The following LARP1B variants were observed in gnomAD, a reference collection of about 807,000 sequenced individuals.
The protein encoded by LARP1B is la-related protein 1B.
LARP1B carries 76 observed loss-of-function variants against 114.2 expected under a neutral mutation model. The observed-to-expected ratio is 0.67, with a 90% confidence interval of 0.55 to 0.81. LARP1B has a LOEUF of 0.81. LARP1B is among the 30% of genes least tolerant of loss of function. The pLI is 0.00. For missense variants in LARP1B, 1,014 were observed against 1,075.8 expected (o/e 0.94, Z 0.80); for synonymous variants, 345 against 348.0 (o/e 0.99, Z 0.10).
chr4:128,091,115 G>C lies in LARP1B; in HGVS notation c.473G>C (p.Gly158Ala). The C allele has an allele frequency of 6.2e-7, 1 of 1,613,816 alleles. No homozygotes were observed. Among genetic ancestry groups the C allele is most frequent in the Admixed American group, 1.7e-5 (1 of 59,990 alleles). ...FRGRGRGRGR[G>A]RGRGRGNPRL... Reference sequence around the variant, plus strand: ...GGTCGAGGAAGAGGCCGAGGACGGGGAAGAGGACGAGGCAGAGGAAATCCT... The same window carrying C: ...GGTCGAGGAAGAGGCCGAGGACGGGCAAGAGGACGAGGCAGAGGAAATCCT... Residue 158 changes from glycine (G) to alanine (A), a missense_variant, in exon 6 of 20, where the codon GGA (glycine) becomes GCA (alanine). Transcript: ENST00000326639.
In LARP1B at chr4:128,211,502, G is replaced by T; in HGVS notation, c.*1449G>T. ...TTTTATAATATTTACTATTTGGAGG[G>T]TCATTTTGATGCTTTAAATTGCAGA... On this transcript the variant is annotated 3_prime_UTR_variant, in exon 20 of 20. Transcript: ENST00000326639. 1 of 898,502 alleles carries T rather than the reference G, an allele frequency of 1.1e-6. No homozygotes were observed. The highest frequency in any genetic ancestry group is 1.8e-5 in the African/African-American group (1 of 55,440). 55.7% of individuals were successfully genotyped at this position (898,502 alleles called of 1,614,324 possible).
chr4:128,069,424 C>T, intron 1 of LARP1B: 1 of 760,778 alleles, frequency 1.3e-6, no homozygotes, highest in Non-Finnish European at 2.4e-6. Flanking sequence ...TTTCGGCCAC[C>T]ATGGCGAACA....
intron 8 of LARP1B, among the ~76,000 whole-genome samples, chr4:128,098,767 A>ATTTTT (rs869184167): frequency 3.4e-4 from 12 of 35,028 alleles, no homozygotes; most frequent in South Asian, 1.2e-3. Flanking sequence ...ATATATATAT[A>ATTTTT]TTTTTTTTTT....
chr4:128,160,482 G>C (rs1171964106), intron 11 of LARP1B, among the ~76,000 whole-genome samples: 1 of 151,988 alleles, frequency 6.6e-6, no homozygotes, highest in African/African-American at 2.4e-5. Context: ...GTTTACCTTC[G>C]ATTATTCATT....
intron 10 of LARP1B, among the ~76,000 whole-genome samples, chr4:128,117,680 G>C (rs570612055): frequency 2.6e-4 from 39 of 151,850 alleles, no homozygotes; most frequent in African/African-American, 8.9e-4. Context: ...CACTGCACCT[G>C]GCCTAATTTT....
intron 5 of LARP1B, among the ~76,000 whole-genome samples, chr4:128,083,154 A>T (rs1771285467): frequency 6.6e-6 from 1 of 152,214 alleles, no homozygotes; most frequent in East Asian, 1.9e-4. Flanking sequence ...GATCAACAGG[A>T]TCCCAAGGCA....
In LARP1B at chr4:128,132,741, A is replaced by G. The variant is rs548417206; in HGVS notation, c.1524+10553A>G. On this transcript the variant is annotated intron_variant, in intron 11 of 19. Coordinates refer to ENST00000326639, the MANE Select transcript of LARP1B (RefSeq NM_018078.4). ...ACCAGAGACTAATTTTATGGAAGAC[A>G]GTTTTTCTGTGGACTGGGGGGCATG... Among the ~76,000 whole-genome samples, 3 of 152,156 alleles carry G rather than the reference A, an allele frequency of 2.0e-5. No homozygotes were observed. The South Asian group carries it at 6.2e-4, about 32-fold the overall frequency.
rs191197521 is a variant in LARP1B at position 128,210,661 on chromosome 4, T to A, written c.*608T>A. 4 of 964,804 alleles carry A rather than the reference T, an allele frequency of 4.1e-6. No individual in the cohort carries two copies. The South Asian group carries it at 1.9e-4, about 46-fold the overall frequency. 59.8% of individuals were successfully genotyped at this position (964,804 alleles called of 1,614,324 possible). A position where few individuals can be genotyped will look rare whatever the true frequency, so the allele number is the denominator to read the frequency against. ...CAAAAGTAGGAATATATAGTAAGAT[T>A]GTAGTTACAATGAGTATATGCACTT... On this transcript the variant is annotated 3_prime_UTR_variant, in exon 20 of 20. Coordinates refer to ENST00000326639, the MANE Select transcript of LARP1B (RefSeq NM_018078.4).
At chr4:128,098,004 T>A (rs1251219889) in intron 7 of LARP1B, among the ~76,000 whole-genome samples, 182 bp from the exon 8 acceptor site, 1 of 152,230 alleles carries the variant, frequency 6.6e-6, no homozygotes. Flanking sequence ...AATTATTAAT[T>A]CAGTAGAGTT....
downstream of LARP1B, among the ~76,000 whole-genome samples, chr4:128,214,181 A>C (rs1263212386): frequency 7.4e-6 from 1 of 135,846 alleles, no homozygotes; most frequent in Non-Finnish European, 1.6e-5. Flanking sequence ...GATTGCTAGC[A>C]CAGCAGTCTG....
At chr4:128,143,087 C>T (rs1316411785) in intron 11 of LARP1B, among the ~76,000 whole-genome samples, 1 of 151,920 alleles carries the variant, frequency 6.6e-6, no homozygotes, top group Admixed American at 6.6e-5. Context: ...GAGATTGAGA[C>T]CATCCTGGCC....
At chr4:128,126,924 C>T (rs1001874736) in intron 11 of LARP1B, among the ~76,000 whole-genome samples, 1 of 150,096 alleles carries the variant, frequency 6.7e-6, no homozygotes, top group Non-Finnish European at 1.5e-5. Flanking sequence ...AGAATGGGGC[C>T]AAGTCATTAT....
intron 11 of LARP1B, among the ~76,000 whole-genome samples, chr4:128,125,474 G>A (rs1314881431): frequency 4.6e-5 from 7 of 152,310 alleles, no homozygotes; most frequent in East Asian, 1.9e-4. Flanking sequence ...TCTGGCTGGC[G>A]CAGTGGCTCA....
At chr4:128,120,580 C>T (rs1351931766) in intron 10 of LARP1B, among the ~76,000 whole-genome samples, 3 of 151,696 alleles carry the variant, frequency 2.0e-5, no homozygotes, top group African/African-American at 7.3e-5. Context: ...AGCGATTCTC[C>T]TGTCTCAGCC....
rs542017993 is a variant in LARP1B at position 128,105,123 on chromosome 4, C to T, written c.814-2016C>T. Among the ~76,000 whole-genome samples, 18 of 151,558 alleles carry T rather than the reference C, an allele frequency of 1.2e-4. No homozygotes were observed. The South Asian group carries it at 3.5e-3, about 30-fold the overall frequency. ...ATAGATAATACATGGTAAAATACAG[C>T]GATCTTAGATGTTCACTGTGAGTTT... On this transcript the variant is annotated intron_variant, in intron 8 of 19. Coordinates refer to ENST00000326639, the MANE Select transcript of LARP1B (RefSeq NM_018078.4).
intron 12 of LARP1B, among the ~76,000 whole-genome samples, chr4:128,176,203 T>TTA (rs1745960296): frequency 7.0e-6 from 1 of 143,636 alleles, no homozygotes; most frequent in Admixed American, 7.1e-5. Flanking sequence ...TTTTTATATA[T>TTA]TATATATTTA....
chr4:128,186,214 A>ATGTCATAGGT (rs56100089), intron 15 of LARP1B, among the ~76,000 whole-genome samples: 88,882 of 151,676 alleles, frequency 0.59, 27,290 homozygotes, highest in Middle Eastern at 0.79. Context: ...TCTGTGAAGA[A>ATGTCATAGGT]ATTTTGATAG....
rs774847006 is a variant in LARP1B at position 128,178,616 on chromosome 4, A to G, written c.1870A>G (p.Lys624Glu). The stretch of plus-strand genomic sequence containing the variant: ...AACACCAAGATTTTATCCTGTTGTT[A>G]AAGAACCAAAAGCCATTGATGTAAA... ...NKTPRFYPVV[K>E]EPKAIDVKSP... Residue 624 changes from lysine to glutamate, a missense_variant, in exon 14 of 20, where the codon AAA (lysine) becomes GAA (glutamate). Transcript: ENST00000326639. 2.5e-6 allele frequency: 4 copies of G among 1,613,918 alleles called. No individual in the cohort carries two copies. Among genetic ancestry groups the G allele is most frequent in the South Asian group, 1.1e-5 (1 of 91,072 alleles).
chr4:128,110,820 A>C (rs1470738913), intron 9 of LARP1B, among the ~76,000 whole-genome samples: 1 of 151,644 alleles, frequency 6.6e-6, no homozygotes, highest in Non-Finnish European at 1.5e-5. Context: ...ATGTCATTTC[A>C]TTTCTAAGCA....
Sources: gnomAD v4.1 joint callset for allele counts (sites outside exome capture counted in the v4.1 genomes callset) on GRCh38, gnomAD v4.1.1 for gene constraint, MANE v1.5 for transcripts, NCBI Gene and HGNC (gene_info 2026-07-23, HGNC 2026-07-21) for gene names.